Variants in RFX2 observed in about 807,000 individuals in gnomAD.
The protein encoded by RFX2 is regulatory factor X2, also known as DNA-binding protein RFX2.
Under a neutral mutation model 87.8 loss-of-function variants are expected in RFX2, and 20 were observed. That is an observed-to-expected ratio of 0.23 (90% CI 0.16 to 0.33). The LOEUF (loss-of-function observed/expected upper bound fraction) is 0.33. RFX2 is among the 10% of genes least tolerant of loss of function. The pLI is 1.00. For missense variants in RFX2, 767 were observed against 1,012.3 expected (o/e 0.76, Z 3.29); for synonymous variants, 397 against 431.3 (o/e 0.92, Z 0.98).
At chr19:6,008,378 T>TC in intron 9 of RFX2, 154 bp from the exon 10 acceptor site, 3 of 423,990 alleles carry the variant, frequency 7.1e-6, no homozygotes, top group South Asian at 1.3e-4. Context: ...TCTTTTTCTT[T>TC]TTTTTTTTTT....
intron 1 of RFX2, among the ~76,000 whole-genome samples, chr19:6,093,563 G>T (rs896199335): frequency 2.6e-5 from 4 of 152,090 alleles, no homozygotes; most frequent in Admixed American, 1.3e-4. Flanking sequence ...AGAATAAAAG[G>T]CTAAGTAAGT....
At chr19:5,996,314 GAC>G (rs149876617) in intron 16 of RFX2, among the ~76,000 whole-genome samples, 4 of 152,070 alleles carry the variant, frequency 2.6e-5, no homozygotes, top group Admixed American at 6.5e-5. Context: ...GAGAGGGAGC[GAC>G]CGTGCAGCAC....
At chr19:6,065,503 C>T (rs141749805) in intron 1 of RFX2, among the ~76,000 whole-genome samples, 11 of 152,074 alleles carry the variant, frequency 7.2e-5, no homozygotes, top group African/African-American at 2.4e-4. Context: ...AAAAATTAGC[C>T]GGGTGCGGTG....
intron 1 of RFX2, among the ~76,000 whole-genome samples, chr19:6,070,224 G>A (rs1317552560): frequency 1.1e-4 from 4 of 37,076 alleles, no homozygotes; most frequent in Admixed American, 2.8e-4. Flanking sequence ...GGGATGGGAT[G>A]GGATGGGATG....
At position 6,044,242 on chromosome 19, in the gene RFX2, G is replaced by A; in HGVS notation, c.131C>T (p.Ala44Val). 2 of 1,576,682 alleles carry A rather than the reference G, an allele frequency of 1.3e-6. No homozygotes were observed. Among genetic ancestry groups the A allele is most frequent in the South Asian group, 1.2e-5 (1 of 85,158 alleles). ...VQAASSNPKG[A>V]QMQPISLPRV... ...GGGGAGGGAGATCGGCTGCATCTGGGCCCCTTTGGGATTGGAGCTGGCTGC... is the reference window on the plus strand; with the variant it reads ...GGGGAGGGAGATCGGCTGCATCTGGACCCCTTTGGGATTGGAGCTGGCTGC... The change falls in exon 3 of 18, where the codon GCC becomes GTC. Residue 44 changes from alanine to valine, a missense_variant. Transcript: ENST00000303657. This position sits in a 1 kb window ranked among gnomAD's most constrained non-coding sequence, Gnocchi z 5.3.
rs202077830 is a variant in RFX2 at position 6,001,918 on chromosome 19, T to G, written c.1756A>C (p.Ser586Arg). ...QQQSSLDQWA[S>R]WLDSVVTQVL... is the part of the protein sequence containing the mutation. ...TGGGTGACCACACTGTCCAGCCAGC[T>G]GGCCCACTGGTCCAGGGAGCTCTGC... The change falls in exon 15 of 18, where the codon AGC becomes CGC. Residue 586 changes from serine (S) to arginine (R), a missense_variant. Ser to Arg is a moderately radical substitution (Grantham distance 110, BLOSUM62 -1). Transcript: ENST00000303657. The surrounding 1 kb of genome is among the most constrained non-coding windows in gnomAD (Gnocchi z 5.6). 1.2e-6 allele frequency: 2 copies of G among 1,613,120 alleles called. No individual in the cohort carries two copies. Among genetic ancestry groups the G allele is most frequent in the East Asian group, 2.2e-5 (1 of 44,878 alleles).
At chr19:6,106,241 A>C (rs1369328525) in intron 1 of RFX2, among the ~76,000 whole-genome samples, 1 of 149,452 alleles carries the variant, frequency 6.7e-6, no homozygotes, top group African/African-American at 2.6e-5. Context: ...CCATCCATCC[A>C]TCCATCCATC....
chr19:6,092,425 G>A (rs917071445), intron 1 of RFX2, among the ~76,000 whole-genome samples: 3 of 152,188 alleles, frequency 2.0e-5, no homozygotes, highest in Non-Finnish European at 4.4e-5. Context: ...GTCTTCCGCT[G>A]AGAAGGCAGA....
At chr19:6,034,227 A>AT (rs1167004611) in intron 5 of RFX2, among the ~76,000 whole-genome samples, 5,176 of 117,576 alleles carry the variant, frequency 0.044, 162 homozygotes, top group Middle Eastern at 0.095. Context: ...CACACTGCTA[A>AT]TTTTTTTTTT....
In RFX2 at chr19:6,008,308, C is replaced by T. The variant is rs888001664; in HGVS notation, c.1016-84G>A. The stretch of plus-strand genomic sequence containing the variant: ...CTGGAAGGCCACGGTGGATGGGGGC[C>T]CAGAAACAGATGTTCTGCCCCACCC... On this transcript the variant is annotated intron_variant, in intron 9 of 17. Coordinates refer to ENST00000303657, the MANE Select transcript of RFX2 (RefSeq NM_000635.4). 7 of 726,112 alleles carry T rather than the reference C, an allele frequency of 9.6e-6. No homozygotes were observed. In the African/African-American group the frequency reaches 1.2e-4, roughly 13 times the overall value. The allele number at this position is 726,112 out of a possible 1,614,324, so 45.0% of individuals were successfully genotyped here.
In RFX2 at chr19:6,039,408, A is replaced by C. The variant is rs1599874231; in HGVS notation, c.522+572T>G. 2.0e-5 allele frequency among the ~76,000 whole-genome samples: 3 copies of C among 152,374 alleles called. No homozygotes were observed. The highest frequency in any genetic ancestry group is 2.1e-4 in the South Asian group (1 of 4,832). On this transcript the variant is annotated intron_variant, in intron 5 of 17. Transcript: ENST00000303657. This position sits in a 1 kb window ranked among gnomAD's most constrained non-coding sequence, Gnocchi z 5.2. ...CACAAATCTACCCATGTCAAAACTC[A>C]CAAGGCTGTACACCAAAAAGTTGAT...
chr19:6,110,170 C>T lies in RFX2; in HGVS notation c.-9+223G>A, dbSNP rs1434164085. Reference sequence around the variant, plus strand: ...AAGTGAGGCGACGGCACCGCACCTCCCCCGCGTTCAGTCAATAAGGAAAGT... The same window carrying T: ...AAGTGAGGCGACGGCACCGCACCTCTCCCGCGTTCAGTCAATAAGGAAAGT... On this transcript the variant is annotated intron_variant, in intron 1 of 17. Coordinates refer to ENST00000303657, the MANE Select transcript of RFX2 (RefSeq NM_000635.4). The surrounding 1 kb of genome is among the most constrained non-coding windows in gnomAD (Gnocchi z 4.3). 1.3e-5 allele frequency among the ~76,000 whole-genome samples: 2 copies of T among 152,272 alleles called. No individual in the cohort carries two copies. The highest frequency in any genetic ancestry group is 1.3e-4 in the Admixed American group (2 of 15,306).
chr19:6,040,419 T>C lies in RFX2; in HGVS notation c.261-178A>G, dbSNP rs2087091683. Among the ~76,000 whole-genome samples the C allele has an allele frequency of 6.6e-6, 1 of 152,220 alleles. No individual in the cohort carries two copies. The highest frequency in any genetic ancestry group is 1.5e-5 in the Non-Finnish European group (1 of 68,044). On this transcript the variant is annotated intron_variant, in intron 4 of 17. Transcript: ENST00000303657. The surrounding 1 kb of genome is among the most constrained non-coding windows in gnomAD (Gnocchi z 6.1). Reference sequence around the variant, plus strand: ...GCAGCGCAAGTTCACAGCCACCATGTTGCAAAATCTTTAGGACCACAGGCT... The same window carrying C: ...GCAGCGCAAGTTCACAGCCACCATGCTGCAAAATCTTTAGGACCACAGGCT...
intron 1 of RFX2, among the ~76,000 whole-genome samples, chr19:6,099,715 G>A (rs2088088265): frequency 6.6e-6 from 1 of 152,180 alleles, no homozygotes; most frequent in Non-Finnish European, 1.5e-5. Flanking sequence ...GAAATGAGAC[G>A]CACAAATCAC....
At chr19:5,996,578 C>A (rs987531473) in intron 16 of RFX2, among the ~76,000 whole-genome samples, 1 of 152,226 alleles carries the variant, frequency 6.6e-6, no homozygotes, top group Non-Finnish European at 1.5e-5. Context: ...CTCCTGGGGA[C>A]GGGGTTTCCT....
chr19:6,028,215 AC>A (rs199671427), intron 5 of RFX2, among the ~76,000 whole-genome samples: 4,193 of 151,036 alleles, frequency 0.028, 155 homozygotes, highest in African/African-American at 0.082. Context: ...AAAAAAAAAA[AC>A]AACAAAACCA....
At chr19:6,009,851 C>T (rs575385379) in intron 9 of RFX2, among the ~76,000 whole-genome samples, 1 of 152,362 alleles carries the variant, frequency 6.6e-6, no homozygotes, top group East Asian at 1.9e-4. Context: ...CGGGCATGAG[C>T]CGCCTGTCCT....
At chr19:6,073,723 G>T (rs1013871321) in intron 1 of RFX2, among the ~76,000 whole-genome samples, 1 of 152,130 alleles carries the variant, frequency 6.6e-6, no homozygotes, top group African/African-American at 2.4e-5. Flanking sequence ...TGAAGACACA[G>T]TTGCATTTCT....
At position 6,084,631 on chromosome 19, in the gene RFX2, C is replaced by T. The variant is rs920566506; in HGVS notation, c.-9+25762G>A. On this transcript the variant is annotated intron_variant, in intron 1 of 17. Coordinates refer to ENST00000303657, the MANE Select transcript of RFX2 (RefSeq NM_000635.4). ...TCACACTGGATTTGTCCTTTTTTTT[C>T]TTTCTTTCTTTCTTTTTTTTGAGAC... Among the ~76,000 whole-genome samples the T allele has an allele frequency of 1.5e-3, 195 of 130,600 alleles. 1 individual carries two copies. The highest frequency in any genetic ancestry group is 7.7e-3 in the African/African-American group (186 of 24,300). The allele number at this position is 130,600 out of a possible 152,430, so 85.7% of individuals were successfully genotyped here. A position where few individuals can be genotyped will look rare whatever the true frequency, so the allele number is the denominator to read the frequency against.
Sources: gnomAD v4.1 joint callset for allele counts (sites outside exome capture counted in the v4.1 genomes callset) on GRCh38, gnomAD v4.1.1 for gene constraint, Gnocchi (gnomAD v3.1) non-coding constraint, MANE v1.5 for transcripts, NCBI Gene and HGNC (gene_info 2026-07-23, HGNC 2026-07-21) for gene names.